The following ACTR3C variants were observed in gnomAD, a reference collection of about 807,000 sequenced individuals.
The protein encoded by ACTR3C is actin-related protein 3C.
Under a neutral mutation model 26.3 loss-of-function variants are expected in ACTR3C, and 18 were observed. That is an observed-to-expected ratio of 0.68 (90% CI 0.47 to 1.01). ACTR3C has a LOEUF of 1.01. ACTR3C is among the 50% of genes least tolerant of loss of function. The pLI is 0.00. For synonymous variants in ACTR3C, 55 were observed against 94.5 expected (o/e 0.58, Z 2.42); for missense variants, 184 against 250.7 (o/e 0.73, Z 1.80).
the ACTR3C span, among the ~76,000 whole-genome samples, chr7:150,176,684 A>G: frequency 2.8e-3 from 426 of 150,964 alleles, 35 homozygotes; most frequent in African/African-American, 0.01. Flanking sequence ...GGCATTCAAT[A>G]TTTGCTAACC....
At chr7:150,170,256 T>A in the ACTR3C span, among the ~76,000 whole-genome samples, 13 of 150,540 alleles carry the variant, frequency 8.6e-5, 1 homozygote, top group African/African-American at 3.0e-4. Context: ...CCGGCTTCCC[T>A]CAGAATGAGT....
At chr7:150,070,197 T>C in the ACTR3C span, among the ~76,000 whole-genome samples, 1 of 152,146 alleles carries the variant, frequency 6.6e-6, no homozygotes, top group Non-Finnish European at 1.5e-5. Context: ...TGTAAGCCTG[T>C]CTGGAGGCTC....
the ACTR3C span, among the ~76,000 whole-genome samples, chr7:149,987,057 C>T: frequency 1.2e-4 from 16 of 137,060 alleles, no homozygotes; most frequent in Admixed American, 5.3e-4. Context: ...AATCATAACA[C>T]GCCCACACAG....
At chr7:150,076,462 A>G in the ACTR3C span, 1 of 152,098 alleles carries the variant, frequency 6.6e-6, no homozygotes, top group Non-Finnish European at 1.5e-5. Context: ...TTGATAGCTG[A>G]ACTATTTGCC....
the ACTR3C span, among the ~76,000 whole-genome samples, chr7:150,096,299 C>T: frequency 1.1e-4 from 16 of 151,098 alleles, no homozygotes; most frequent in Non-Finnish European, 1.0e-4. Flanking sequence ...TTGGAGTTTA[C>T]GAGGTTCTTG....
downstream of ACTR3C, among the ~76,000 whole-genome samples, chr7:150,239,163 C>T (rs1473704453): frequency 6.6e-6 from 1 of 151,750 alleles, no homozygotes; most frequent in Admixed American, 6.6e-5. Context: ...TGGCTGCTTC[C>T]CACATTTGGA....
chr7:150,099,626 A>G, the ACTR3C span, among the ~76,000 whole-genome samples: 1 of 151,632 alleles, frequency 6.6e-6, no homozygotes, highest in Non-Finnish European at 1.5e-5. Context: ...GGAGCTGGGC[A>G]GCATCCTCAG....
the ACTR3C span, among the ~76,000 whole-genome samples, chr7:149,998,053 T>C: frequency 6.6e-6 from 1 of 151,254 alleles, no homozygotes; most frequent in East Asian, 2.0e-4. Context: ...ATAGGGCCAT[T>C]CCTCTCTTTC....
the ACTR3C span, chr7:150,004,410 T>C: frequency 3.4e-4 from 52 of 152,198 alleles, no homozygotes; most frequent in African/African-American, 1.2e-3. Context: ...TTTCGTAGAA[T>C]GCCAACTGAT....
the ACTR3C span, among the ~76,000 whole-genome samples, chr7:150,059,846 G>C: frequency 2.6e-3 from 402 of 152,272 alleles, no homozygotes; most frequent in African/African-American, 9.2e-3. Flanking sequence ...GGGCAGGAGG[G>C]AAGAGCTGCA....
At chr7:149,982,175 G>A in the ACTR3C span, among the ~76,000 whole-genome samples, 8 of 152,324 alleles carry the variant, frequency 5.3e-5, no homozygotes, top group South Asian at 1.7e-3. Context: ...TCAGTATGGA[G>A]AGTGCAGCTC....
At chr7:150,227,385 T>C in the ACTR3C span, among the ~76,000 whole-genome samples, 1 of 151,434 alleles carries the variant, frequency 6.6e-6, no homozygotes, top group Non-Finnish European at 1.5e-5. Flanking sequence ...TAAATGAGAT[T>C]ATACAATATT....
At chr7:150,039,514 G>T in the ACTR3C span, among the ~76,000 whole-genome samples, 2,689 of 30,304 alleles carry the variant, frequency 0.089, 182 homozygotes, top group East Asian at 0.24. Flanking sequence ...CTCGTGGGGG[G>T]TGCCTCCCCC....
At chr7:150,086,024 T>C in the ACTR3C span, among the ~76,000 whole-genome samples, 1 of 151,916 alleles carries the variant, frequency 6.6e-6, no homozygotes, top group African/African-American at 2.4e-5. Flanking sequence ...TCACCCAGGC[T>C]GGAGTACAGT....
intron 1 of ACTR3C, among the ~76,000 whole-genome samples, chr7:150,310,691 C>G (rs113976355): frequency 0.041 from 6,175 of 152,214 alleles, 416 homozygotes; most frequent in African/African-American, 0.14. Flanking sequence ...GTCCCAGCAA[C>G]TCACCTGGAC....
chr7:150,164,414 C>G, the ACTR3C span, among the ~76,000 whole-genome samples: 1 of 152,036 alleles, frequency 6.6e-6, no homozygotes, highest in Non-Finnish European at 1.5e-5. Context: ...AGTGGGAGTC[C>G]CTGACACATT....
the ACTR3C span, among the ~76,000 whole-genome samples, chr7:150,036,994 C>T: frequency 6.9e-5 from 4 of 58,388 alleles, no homozygotes; most frequent in African/African-American, 1.8e-4. Context: ...GGGGGTGCCT[C>T]CGCCCCCCTG....
At chr7:149,906,265 A>G in the ACTR3C span, among the ~76,000 whole-genome samples, 1 of 152,156 alleles carries the variant, frequency 6.6e-6, no homozygotes, top group Admixed American at 6.5e-5. Flanking sequence ...CACCAGAGGA[A>G]AGAAAAGAGG....
At chr7:150,189,069 T>A in the ACTR3C span, among the ~76,000 whole-genome samples, 1 of 151,366 alleles carries the variant, frequency 6.6e-6, no homozygotes. Flanking sequence ...GCCTTCCCTC[T>A]TTATATGTAG....
Sources: allele counts gnomAD v4.1 joint callset (sites outside exome capture counted in the v4.1 genomes callset), GRCh38; gene constraint gnomAD v4.1.1; transcripts MANE v1.5; gene names NCBI Gene and HGNC (gene_info 2026-07-23, HGNC 2026-07-21).